Variants in DGKB observed in about 807,000 individuals in gnomAD.
The protein encoded by DGKB is 90 kDa diacylglycerol kinase.
In DGKB, 67 loss-of-function variants were observed where a neutral mutation model predicts 114.3. That is an observed-to-expected ratio of 0.59 (90% CI 0.48 to 0.72). DGKB has a LOEUF of 0.72. Among genes scored for constraint, DGKB ranks in the 30% least tolerant of loss-of-function variants. DGKB has a pLI of 0.00. For missense variants in DGKB, 907 were observed against 975.2 expected (o/e 0.93, Z 0.93); for synonymous variants, 398 against 323.1 (o/e 1.23, Z -2.49).
chr7:14,842,754 AC>A (rs77827369), intron 1 of DGKB, among the ~76,000 whole-genome samples: 2 of 33,344 alleles, frequency 6.0e-5, no homozygotes, highest in African/African-American at 2.6e-4. Flanking sequence ...GGCACATTAC[AC>A]ACCTGTCTCC....
At chr7:14,948,950 A>C (rs11974094) in intron 1 of DGKB, among the ~76,000 whole-genome samples, 12,365 of 151,794 alleles carry the variant, frequency 0.081, 1,583 homozygotes, top group African/African-American at 0.28. Flanking sequence ...AGAAACAACT[A>C]AATGATATAT....
At chr7:14,616,376 T>G (rs535949014) in intron 15 of DGKB, among the ~76,000 whole-genome samples, 119 of 151,700 alleles carry the variant, frequency 7.8e-4, no homozygotes, top group African/African-American at 2.7e-3. Flanking sequence ...CAACGTTATA[T>G]TCAAGCTTAC....
chr7:14,676,833 G>A (rs1819946928), intron 12 of DGKB, among the ~76,000 whole-genome samples: 1 of 151,632 alleles, frequency 6.6e-6, no homozygotes, highest in African/African-American at 2.4e-5. Context: ...ATAACCAATA[G>A]CGCACCAGAG....
At chr7:14,832,044 A>ATAATT (rs934986500) in intron 2 of DGKB, among the ~76,000 whole-genome samples, 1 of 152,106 alleles carries the variant, frequency 6.6e-6, no homozygotes, top group Non-Finnish European at 1.5e-5. Context: ...AACGAAAGCA[A>ATAATT]TAATTAACTT....
intron 1 of DGKB, among the ~76,000 whole-genome samples, chr7:14,869,362 T>TAA (rs769400338): frequency 9.9e-5 from 15 of 152,196 alleles, no homozygotes; most frequent in Admixed American, 7.9e-4. Flanking sequence ...ACTGGGTCCG[T>TAA]AATTTCTTGT....
intron 21 of DGKB, among the ~76,000 whole-genome samples, chr7:14,365,887 T>A (rs1816592911): frequency 6.6e-6 from 1 of 152,152 alleles, no homozygotes; most frequent in African/African-American, 2.4e-5. Context: ...AGCAGCAGTT[T>A]TTAATTTTCT....
chr7:14,732,528 G>A (rs991709181), intron 5 of DGKB, among the ~76,000 whole-genome samples: 419 of 137,348 alleles, frequency 3.1e-3, no homozygotes, highest in African/African-American at 0.011. Flanking sequence ...TCTTCCTCAG[G>A]AAAAAAAAAA....
At chr7:14,236,325 G>A (rs1792767204) in intron 23 of DGKB, among the ~76,000 whole-genome samples, 1 of 149,932 alleles carries the variant, frequency 6.7e-6, no homozygotes, top group Admixed American at 6.7e-5. Flanking sequence ...GAAAAATGGA[G>A]AGTATTCATT....
intron 6 of DGKB, among the ~76,000 whole-genome samples, chr7:14,711,580 C>T (rs552817983): frequency 6.6e-6 from 1 of 152,154 alleles, no homozygotes; most frequent in Admixed American, 6.5e-5. Flanking sequence ...AAAACACTAA[C>T]ACAATTTTCA....
At chr7:14,493,801 G>C (rs1044738662) in intron 20 of DGKB, among the ~76,000 whole-genome samples, 1 of 151,928 alleles carries the variant, frequency 6.6e-6, no homozygotes, top group Non-Finnish European at 1.5e-5. Context: ...ACCGTGGAAA[G>C]CACAACCACA....
intron 2 of DGKB, among the ~76,000 whole-genome samples, chr7:14,775,775 A>G (rs1838076193): frequency 6.6e-6 from 1 of 151,980 alleles, no homozygotes; most frequent in South Asian, 2.1e-4. Context: ...TCTTTCCTTT[A>G]TAATTTGCCC....
intron 23 of DGKB, among the ~76,000 whole-genome samples, chr7:14,184,747 GC>G (rs1562560597): frequency 6.6e-6 from 1 of 152,060 alleles, no homozygotes; most frequent in South Asian, 2.1e-4. Flanking sequence ...CTAGGGCCTC[GC>G]CCACTGCCAG....
intron 1 of DGKB, among the ~76,000 whole-genome samples, chr7:14,859,762 C>G (rs1332915693): frequency 6.6e-6 from 1 of 151,986 alleles, no homozygotes; most frequent in East Asian, 1.9e-4. Flanking sequence ...TCCTATCTCC[C>G]CGTACCTCCT....
rs1442966838 is a variant in DGKB at position 14,655,468 on chromosome 7, C to G, written c.1134+17461G>C. ...TAGTTAGTACAACTATTATGAAAAACAGTATGGAGGTTCCTTAAAAAACTA... is the reference window on the plus strand; with the variant it reads ...TAGTTAGTACAACTATTATGAAAAAGAGTATGGAGGTTCCTTAAAAAACTA... On this transcript the variant is annotated intron_variant, in intron 13 of 25. Transcript: ENST00000402815. Among the ~76,000 whole-genome samples the G allele has an allele frequency of 3.3e-5, 5 of 151,808 alleles. No individual in the cohort carries two copies. In the East Asian group the frequency reaches 9.7e-4, roughly 29 times the overall value.
At chr7:14,228,884 CTGTGTGTGTG>C (rs71548072) in intron 23 of DGKB, among the ~76,000 whole-genome samples, 5 of 148,634 alleles carry the variant, frequency 3.4e-5, no homozygotes, top group South Asian at 2.1e-4. Flanking sequence ...AGTTTTTTTT[CTGTGTGTGTG>C]TGTGTGTGTG....
chr7:14,366,876 AAATT>A (rs536859671), intron 21 of DGKB, among the ~76,000 whole-genome samples: 186 of 152,276 alleles, frequency 1.2e-3, no homozygotes, highest in Middle Eastern at 6.8e-3. Context: ...AAATTGTAGA[AAATT>A]AATTAATAAC....
intron 23 of DGKB, among the ~76,000 whole-genome samples, chr7:14,304,466 C>T (rs1291503038): frequency 7.0e-6 from 1 of 142,406 alleles, no homozygotes; most frequent in African/African-American, 2.4e-5. Flanking sequence ...ATAGCATTCA[C>T]TTACATCTAC....
At chr7:14,643,510 C>A (rs888939731) in intron 13 of DGKB, among the ~76,000 whole-genome samples, 14 of 152,164 alleles carry the variant, frequency 9.2e-5, no homozygotes, top group African/African-American at 3.4e-4. Context: ...CACTGATATT[C>A]CCCTACATCC....
At chr7:14,312,402 TG>T (rs1184704043) in intron 23 of DGKB, among the ~76,000 whole-genome samples, 1 of 152,246 alleles carries the variant, frequency 6.6e-6, no homozygotes, top group Non-Finnish European at 1.5e-5. Context: ...ATAAAATTGC[TG>T]GATCTTTAGC....
Sources: gnomAD v4.1 joint callset for allele counts (sites outside exome capture counted in the v4.1 genomes callset) on GRCh38, gnomAD v4.1.1 for gene constraint, MANE v1.5 for transcripts, NCBI Gene and HGNC (gene_info 2026-07-23, HGNC 2026-07-21) for gene names.